Variants in C1orf198 observed in about 807,000 individuals in gnomAD.
C1orf198 encodes chromosome 1 open reading frame 198.
In C1orf198, 17 loss-of-function variants were observed where a neutral mutation model predicts 31.4. That is an observed-to-expected ratio of 0.54 (90% CI 0.37 to 0.81). The LOEUF (loss-of-function observed/expected upper bound fraction) is 0.81. Among genes scored for constraint, C1orf198 ranks in the 40% least tolerant of loss-of-function variants. C1orf198 has a pLI of 0.00. For synonymous variants in C1orf198, 175 were observed against 193.8 expected, an observed-to-expected ratio of 0.90 and a Z score of 0.81; for missense variants, 401 against 450.3, an observed-to-expected ratio of 0.89 and a Z score of 0.99.
chr1:230,855,841 G>A (rs1029390544), intron 1 of C1orf198, 123 bp from the exon 2 acceptor site: 56 of 1,497,494 alleles, frequency 3.7e-5, no homozygotes, highest in Non-Finnish European at 4.6e-5. Flanking sequence ...CTCTAAACAA[G>A]CCTGATGCTT....
chr1:230,858,388 A>G (rs952542906), intron 1 of C1orf198, among the ~76,000 whole-genome samples: 1 of 152,212 alleles, frequency 6.6e-6, no homozygotes, highest in Admixed American at 6.5e-5. Flanking sequence ...CTCTTCGTGA[A>G]TAAATGATCT....
chr1:230,850,918 T>G (rs1244741913), intron 2 of C1orf198, among the ~76,000 whole-genome samples: 5 of 152,076 alleles, frequency 3.3e-5, no homozygotes, highest in Non-Finnish European at 7.4e-5. Flanking sequence ...AAGTCACAGA[T>G]AGACCTGAGC....
At chr1:230,850,399 T>C (rs1669709121) in intron 2 of C1orf198, among the ~76,000 whole-genome samples, 2 of 152,208 alleles carry the variant, frequency 1.3e-5, no homozygotes, top group African/African-American at 4.8e-5. Flanking sequence ...GATTCCTGAT[T>C]GGGACAACTG....
chr1:230,855,712 T>C lies in C1orf198; in HGVS notation c.340A>G (p.Thr114Ala), dbSNP rs776025858. The change falls in exon 2 of 4, where the codon ACT becomes GCT. Residue 114 changes from threonine to alanine, a missense_variant. Coordinates refer to ENST00000366663, the MANE Select transcript of C1orf198 (RefSeq NM_032800.3). ...GGGGCAGAGTGCTCATCTTGCCAAG[T>C]TAGATCCTGAAATAAAAAATCGAGA... is the stretch of plus-strand genomic sequence containing the variant. ...KVVRFGDEDLTWQDEHSAPFS... is the reference protein window; with the variant it reads ...KVVRFGDEDLAWQDEHSAPFS... 5.0e-6 allele frequency: 8 copies of C among 1,612,970 alleles called. No homozygotes were observed. The Admixed American group carries it at 1.3e-4, about 27-fold the overall frequency.
chr1:230,841,663 G>A (rs988178971), intron 3 of C1orf198, among the ~76,000 whole-genome samples: 5 of 152,196 alleles, frequency 3.3e-5, no homozygotes, highest in South Asian at 2.1e-4. Context: ...GTGGAGAAAC[G>A]CGAACCCACA....
chr1:230,840,507 G>A lies in C1orf198; in HGVS notation c.928-599C>T, dbSNP rs1306096769. Among the ~76,000 whole-genome samples the A allele has an allele frequency of 3.3e-5, 5 of 152,152 alleles. No individual in the cohort carries two copies. Among genetic ancestry groups the A allele is most frequent in the Non-Finnish European group, 5.9e-5 (4 of 68,030 alleles). On this transcript the variant is annotated intron_variant, in intron 3 of 3. Transcript: ENST00000366663. This position sits in a 1 kb window ranked among gnomAD's most constrained non-coding sequence, Gnocchi z 4.0. ...GGCATGCACCAGGCGTGCACCACAA[G>A]GCCTGGTTTAATGTCATTCTTCTTT...
At chr1:230,855,969 GC>G in intron 1 of C1orf198, 2 of 1,294,546 alleles carry the variant, frequency 1.5e-6, no homozygotes, top group South Asian at 2.5e-5. Context: ...TGCCGGTGAG[GC>G]CCCCCAATGG....
chr1:230,851,186 A>C (rs1291956698), intron 2 of C1orf198, among the ~76,000 whole-genome samples: 1 of 152,162 alleles, frequency 6.6e-6, no homozygotes, highest in Non-Finnish European at 1.5e-5. Context: ...TTTGATACCC[A>C]TGAAATCAAG....
At chr1:230,858,235 TAACCAAAGTCCCTAAAATCCTCAG>T (rs1190362807) in intron 1 of C1orf198, among the ~76,000 whole-genome samples, 1 of 152,188 alleles carries the variant, frequency 6.6e-6, no homozygotes, top group Non-Finnish European at 1.5e-5. Context: ...TTGAGCTAAA[TAACCAAAGTCCCTAAAATCCTCAG>T]AACCCTCTGA....
At position 230,868,471 on chromosome 1, in the gene C1orf198, C is replaced by G. The variant is rs1317887388; in HGVS notation, c.42G>C (p.Ala14=). 1.3e-6 allele frequency: 2 copies of G among 1,516,792 alleles called. No individual in the cohort carries two copies. Among genetic ancestry groups the G allele is most frequent in the African/African-American group, 1.4e-5 (1 of 69,868 alleles). The allele number at this position is 1,516,792 out of a possible 1,614,324, so 94.0% of individuals were successfully genotyped here. Residue 14 remains alanine, a synonymous_variant, in exon 1 of 4, where the codon GCG becomes GCC. Coordinates refer to ENST00000366663, the MANE Select transcript of C1orf198 (RefSeq NM_032800.3). ...MAAAIAASRS[A]VMSGNRPLDD... is the part of the protein sequence containing the mutation. ...CCAGAGGCCGGTTCCCGCTCATGAC[C>G]GCCGAGCGCGAAGCCGCGATCGCCG...
At position 230,857,544 on chromosome 1, in the gene C1orf198, C is replaced by T. The variant is rs1456556529; in HGVS notation, c.334-1826G>A. Among the ~76,000 whole-genome samples the T allele has an allele frequency of 4.6e-5, 7 of 152,094 alleles. No homozygotes were observed. The highest frequency in any genetic ancestry group is 1.0e-4 in the Non-Finnish European group (7 of 68,016). On this transcript the variant is annotated intron_variant, in intron 1 of 3. Transcript: ENST00000366663. This position sits in a 1 kb window ranked among gnomAD's most constrained non-coding sequence, Gnocchi z 4.2. ...CAGGGTAGAGATCTGGTTCTGTGTCCTGATGGCTGTGCTGTGTGCCTTGGC... is the reference window on the plus strand; with the variant it reads ...CAGGGTAGAGATCTGGTTCTGTGTCTTGATGGCTGTGCTGTGTGCCTTGGC...
intron 2 of C1orf198, among the ~76,000 whole-genome samples, chr1:230,849,468 A>T (rs751091595): frequency 2.8e-4 from 43 of 152,184 alleles, no homozygotes; most frequent in Non-Finnish European, 5.4e-4. Context: ...CAACACTGAC[A>T]GCCCAGCCTC....
At chr1:230,847,082 G>C (rs1230861072) in intron 2 of C1orf198, among the ~76,000 whole-genome samples, 2 of 117,308 alleles carry the variant, frequency 1.7e-5, no homozygotes, top group African/African-American at 7.6e-5. Flanking sequence ...CAGCCTGGGC[G>C]ACAGAGCGAG....
upstream of C1orf198, chr1:230,868,690 C>T (rs1449382473): frequency 3.2e-6 from 1 of 307,800 alleles, no homozygotes; most frequent in Non-Finnish European, 5.0e-6. Context: ...CTCCGTGGCC[C>T]CCTCCCCGGG....
At chr1:230,866,787 T>C (rs1288820725) in intron 1 of C1orf198, among the ~76,000 whole-genome samples, 1 of 152,220 alleles carries the variant, frequency 6.6e-6, no homozygotes, top group African/African-American at 2.4e-5. Flanking sequence ...AATACGCCTA[T>C]TTTCCCACTG....
At position 230,840,984 on chromosome 1, in the gene C1orf198, TG is replaced by T. The variant is rs1669423265; in HGVS notation, c.928-1077del. On this transcript the variant is annotated intron_variant, in intron 3 of 3. Coordinates refer to ENST00000366663, the MANE Select transcript of C1orf198 (RefSeq NM_032800.3). This position sits in a 1 kb window ranked among gnomAD's most constrained non-coding sequence, Gnocchi z 4.0. Reference sequence around the variant, plus strand: ...GTTCTCTCAAAGGAATTTCATGTGCTGTCTCCTACTCTCCACTGCCCACACA... The same window carrying T: ...GTTCTCTCAAAGGAATTTCATGTGCTTCTCCTACTCTCCACTGCCCACACA... Among the ~76,000 whole-genome samples, 1 of 152,268 alleles carries T rather than the reference TG, an allele frequency of 6.6e-6. No individual in the cohort carries two copies. The highest frequency in any genetic ancestry group is 1.5e-5 in the Non-Finnish European group (1 of 68,050).
intron 1 of C1orf198, among the ~76,000 whole-genome samples, chr1:230,865,993 T>C (rs1447171666): frequency 6.6e-6 from 1 of 152,126 alleles, no homozygotes; most frequent in African/African-American, 2.4e-5. Flanking sequence ...ACTGATCAAG[T>C]GGGAAGAGAC....
At position 230,851,455 on chromosome 1, in the gene C1orf198, G is replaced by A. The variant is rs112784031; in HGVS notation, c.384+4213C>T. ...TCCTCTGAATTCTCCAGCCCAGACC[G>A]CCTGGGGAATGTAAAGAATCCTCTC... On this transcript the variant is annotated intron_variant, in intron 2 of 3. Transcript: ENST00000366663. 3.7e-3 allele frequency among the ~76,000 whole-genome samples: 569 copies of A among 152,256 alleles called. 3 individuals are homozygous for A. The highest frequency in any genetic ancestry group is 0.013 in the African/African-American group (520 of 41,556).
In C1orf198 at chr1:230,868,461, C is replaced by T; in HGVS notation, c.52G>A (p.Gly18Arg). Residue 18 changes from glycine (G) to arginine (R), a missense_variant, in exon 1 of 4, where the codon GGG becomes AGG. Coordinates refer to ENST00000366663, the MANE Select transcript of C1orf198 (RefSeq NM_032800.3). ...IAASRSAVMSGNRPLDDRERK... is the reference protein window; with the variant it reads ...IAASRSAVMSRNRPLDDRERK... Reference sequence around the variant, plus strand: ...TCCCGGTCGTCCAGAGGCCGGTTCCCGCTCATGACCGCCGAGCGCGAAGCC... The same window carrying T: ...TCCCGGTCGTCCAGAGGCCGGTTCCTGCTCATGACCGCCGAGCGCGAAGCC... 6.5e-7 allele frequency: 1 copy of T among 1,535,704 alleles called. No individual in the cohort carries two copies. The highest frequency in any genetic ancestry group is 8.8e-7 in the Non-Finnish European group (1 of 1,136,956).
Sources: allele counts gnomAD v4.1 joint callset (sites outside exome capture counted in the v4.1 genomes callset), GRCh38; gene constraint gnomAD v4.1.1; non-coding constraint Gnocchi (gnomAD v3.1); transcripts MANE v1.5; gene names NCBI Gene and HGNC (gene_info 2026-07-23, HGNC 2026-07-21).